The following GALNT11 variants were observed in gnomAD, a reference collection of about 807,000 sequenced individuals.
The protein encoded by GALNT11 is UDP-GalNAc:polypeptide N-acetylgalactosaminyltransferase 11.
GALNT11 carries 47 observed loss-of-function variants against 72.7 expected under a neutral mutation model. The observed-to-expected ratio is 0.65, with a 90% CI of 0.51 to 0.82. The LOEUF is 0.82. GALNT11 is among the 40% of genes least tolerant of loss of function. GALNT11 has a pLI of 0.00. For missense variants in GALNT11, 677 were observed against 778.4 expected, an observed-to-expected ratio of 0.87 and a Z score of 1.55; for synonymous variants, 270 against 286.6, an observed-to-expected ratio of 0.94 and a Z score of 0.58.
intron 1 of GALNT11, among the ~76,000 whole-genome samples, chr7:152,065,054 A>G (rs1229555287): frequency 6.6e-6 from 1 of 152,190 alleles, no homozygotes; most frequent in Non-Finnish European, 1.5e-5. Flanking sequence ...GTGTTTTCCA[A>G]CTTGGTTCCA....
At chr7:152,080,954 G>C (rs374696205) in intron 1 of GALNT11, among the ~76,000 whole-genome samples, 36 of 152,176 alleles carry the variant, frequency 2.4e-4, no homozygotes, top group South Asian at 4.1e-4. Flanking sequence ...TGGGCGACAA[G>C]AGCGAAACTC....
At chr7:152,083,813 T>C (rs2129024741) in intron 1 of GALNT11, among the ~76,000 whole-genome samples, 1 of 152,374 alleles carries the variant, frequency 6.6e-6, no homozygotes, top group Middle Eastern at 3.4e-3. Flanking sequence ...TGTGTCTTTT[T>C]ATCCAAGAAT....
intron 1 of GALNT11, among the ~76,000 whole-genome samples, chr7:152,041,516 T>C (rs2082857686): frequency 6.6e-6 from 1 of 152,190 alleles, no homozygotes; most frequent in African/African-American, 2.4e-5. Flanking sequence ...TGAATTAGCA[T>C]GTGGAAGAAA....
At chr7:152,076,470 G>A (rs1449681168) in intron 1 of GALNT11, among the ~76,000 whole-genome samples, 1 of 152,198 alleles carries the variant, frequency 6.6e-6, no homozygotes, top group Non-Finnish European at 1.5e-5. Flanking sequence ...GCCAGGTCCC[G>A]CTGTGGACAA....
rs1010220239 is a variant in GALNT11 at position 152,091,284 on chromosome 7, C to T, written c.-38-2906C>T. On this transcript the variant is annotated intron_variant, in intron 1 of 11. Transcript: ENST00000430044. ...GAGTCGGAGTCTCGCATTGTCACCC[C>T]GGCTAGATTGCAATGGCGCGATCTC... is the stretch of plus-strand genomic sequence containing the variant. 1.2e-4 allele frequency among the ~76,000 whole-genome samples: 18 copies of T among 146,004 alleles called. No individual in the cohort carries two copies. The South Asian group carries it at 1.8e-3, about 14-fold the overall frequency.
At chr7:152,076,088 A>AAAG (rs1260506871) in intron 1 of GALNT11, among the ~76,000 whole-genome samples, 1 of 147,606 alleles carries the variant, frequency 6.8e-6, no homozygotes, top group Non-Finnish European at 1.5e-5. Flanking sequence ...AAAAAAAAAA[A>AAAG]AAGAAGAAGA....
At chr7:152,089,304 T>C (rs1322560712) in intron 1 of GALNT11, among the ~76,000 whole-genome samples, 1 of 152,190 alleles carries the variant, frequency 6.6e-6, no homozygotes, top group Non-Finnish European at 1.5e-5. Flanking sequence ...TTAGGTTTGT[T>C]ATATGTAAAA....
At chr7:152,112,140 A>G (rs1285396464) in intron 7 of GALNT11, among the ~76,000 whole-genome samples, 1 of 152,166 alleles carries the variant, frequency 6.6e-6, no homozygotes, top group Non-Finnish European at 1.5e-5. Context: ...ATTTCTCCCA[A>G]CCATCTCCTA....
chr7:152,057,847 G>C (rs1214274573), intron 1 of GALNT11, among the ~76,000 whole-genome samples: 1 of 152,086 alleles, frequency 6.6e-6, no homozygotes, highest in African/African-American at 2.4e-5. Flanking sequence ...TTTACCTAAT[G>C]TGCTTTTGCT....
intron 1 of GALNT11, among the ~76,000 whole-genome samples, chr7:152,072,775 A>G (rs544267624): frequency 5.9e-5 from 9 of 152,342 alleles, no homozygotes; most frequent in East Asian, 1.9e-4. Context: ...GCTCCAGCCA[A>G]TGGAGTCAGA....
chr7:152,057,055 C>T (rs533542275), intron 1 of GALNT11, among the ~76,000 whole-genome samples: 63 of 131,526 alleles, frequency 4.8e-4, no homozygotes, highest in African/African-American at 1.7e-3. Flanking sequence ...CAGGGTTTTG[C>T]GATGTTGCCC....
chr7:152,026,782 C>T (rs1206722895), intron 1 of GALNT11, among the ~76,000 whole-genome samples: 1 of 152,224 alleles, frequency 6.6e-6, no homozygotes, highest in Non-Finnish European at 1.5e-5. Context: ...TGAGTTGTCC[C>T]ACCTTTCCTG....
In GALNT11 at chr7:152,115,928, T is replaced by C. The variant is rs190315442; in HGVS notation, c.1234-1229T>C. On this transcript the variant is annotated intron_variant, in intron 8 of 11. Coordinates refer to ENST00000430044, the MANE Select transcript of GALNT11 (RefSeq NM_022087.4). ...AAAATTAGCCGGGTGTGGTGGCGCA[T>C]GCCTGTAGTTCCAGCTACTCAGGAG... Among the ~76,000 whole-genome samples, 544 of 152,212 alleles carry C rather than the reference T, an allele frequency of 3.6e-3. 3 individuals carry two copies. The highest frequency in any genetic ancestry group is 0.012 in the African/African-American group (479 of 41,548).
At chr7:152,040,592 G>A (rs951807579) in intron 1 of GALNT11, among the ~76,000 whole-genome samples, 5 of 152,154 alleles carry the variant, frequency 3.3e-5, no homozygotes, top group African/African-American at 1.2e-4. Flanking sequence ...TGTGAGTGAT[G>A]TAAAAAGGGT....
At chr7:152,092,361 A>G (rs776582386) in intron 1 of GALNT11, among the ~76,000 whole-genome samples, 1 of 151,976 alleles carries the variant, frequency 6.6e-6, no homozygotes, top group Non-Finnish European at 1.5e-5. Flanking sequence ...TTCTACTTCA[A>G]GTATTTGTGT....
intron 1 of GALNT11, among the ~76,000 whole-genome samples, chr7:152,082,966 G>T (rs1587236962): frequency 2.0e-5 from 3 of 152,140 alleles, no homozygotes; most frequent in Admixed American, 2.0e-4. Flanking sequence ...TTGTAAGGTT[G>T]TTGGTCCTTT....
At chr7:152,092,640 G>A (rs2086115017) in intron 1 of GALNT11, among the ~76,000 whole-genome samples, 2 of 152,106 alleles carry the variant, frequency 1.3e-5, no homozygotes, top group African/African-American at 4.8e-5. Flanking sequence ...CCATCTTCTA[G>A]GCTTATGGCA....
chr7:152,086,098 G>A (rs535766840), intron 1 of GALNT11, among the ~76,000 whole-genome samples: 29 of 152,036 alleles, frequency 1.9e-4, no homozygotes, highest in African/African-American at 6.7e-4. Context: ...ATGTTGGCCA[G>A]GATGGTTTCA....
intron 10 of GALNT11, 79 bp from the exon 11 acceptor site, chr7:152,120,752 C>T: frequency 8.0e-7 from 1 of 1,248,658 alleles, no homozygotes; most frequent in Non-Finnish European, 1.1e-6. Context: ...CTTACAGAAT[C>T]AATATGTGGA....
Sources: gnomAD v4.1 joint callset for allele counts (sites outside exome capture counted in the v4.1 genomes callset) on GRCh38, gnomAD v4.1.1 for gene constraint, MANE v1.5 for transcripts, NCBI Gene and HGNC (gene_info 2026-07-23, HGNC 2026-07-21) for gene names.